GAS7: variants seen among roughly 807,000 people sequenced by gnomAD.
The protein encoded by GAS7 is growth arrest specific 7, also known as growth arrest-specific protein 7.
GAS7 carries 28 observed loss-of-function variants against 71.1 expected under a neutral mutation model. That is an observed-to-expected ratio of 0.39 (90% CI 0.29 to 0.54). The LOEUF (loss-of-function observed/expected upper bound fraction) is 0.54. Ranked by LOEUF, GAS7 falls within the 20% of genes least tolerant of loss-of-function variation. The pLI, the probability that GAS7 is intolerant of heterozygous loss-of-function variation, is 0.62. For missense variants in GAS7, 436 were observed against 627.8 expected (o/e 0.69, Z 3.27); for synonymous variants, 258 against 245.8 (o/e 1.05, Z -0.46).
chr17:10,142,097 AG>A (rs1176889606), intron 1 of GAS7, among the ~76,000 whole-genome samples: 2 of 152,000 alleles, frequency 1.3e-5, no homozygotes, highest in Non-Finnish European at 2.9e-5. Flanking sequence ...GCGTGGTGGC[AG>A]GTGCCTGTAG....
In GAS7 at chr17:10,081,217, C is replaced by T. The variant is rs972742867; in HGVS notation, c.184-61320G>A. 3.9e-5 allele frequency among the ~76,000 whole-genome samples: 6 copies of T among 152,258 alleles called. No homozygotes were observed. The East Asian group carries it at 5.8e-4, about 15-fold the overall frequency. On this transcript the variant is annotated intron_variant, in intron 1 of 13. Transcript: ENST00000432992. ...TTGCCTAGGCTGGAGTGCGATGGCG[C>T]GATCTCAGCTCACTGAAACCTTCCC...
At position 10,054,641 on chromosome 17, in the gene GAS7, A is replaced by AG. The variant is rs1443593679; in HGVS notation, c.184-34745dup. Among the ~76,000 whole-genome samples the AG allele has an allele frequency of 7.2e-5, 11 of 152,314 alleles. No individual in the cohort carries two copies. The East Asian group carries it at 2.1e-3, about 29-fold the overall frequency. ...GGCCTTTATAAGCAGTCGTTTGAAGAGGGGGTTCCCTGGTTCTAACGAATT... is the reference window on the plus strand; with the variant it reads ...GGCCTTTATAAGCAGTCGTTTGAAGAGGGGGGTTCCCTGGTTCTAACGAATT... On this transcript the variant is annotated intron_variant, in intron 1 of 13. Coordinates refer to ENST00000432992, the MANE Select transcript of GAS7 (RefSeq NM_201433.2).
intron 7 of GAS7, 121 bp downstream of exon 7, chr17:9,943,000 C>T (rs150688892): frequency 1.1e-5 from 7 of 625,392 alleles, no homozygotes; most frequent in East Asian, 1.0e-4. Flanking sequence ...TGCCGCCTGG[C>T]GCTAACCAGC....
At chr17:10,041,353 C>T (rs1288386772) in intron 1 of GAS7, among the ~76,000 whole-genome samples, 7 of 152,078 alleles carry the variant, frequency 4.6e-5, no homozygotes, top group South Asian at 4.1e-4. Context: ...CAGCCGTCTC[C>T]GACACCACTT....
intron 9 of GAS7, among the ~76,000 whole-genome samples, chr17:9,931,325 C>G (rs11658821): frequency 0.1 from 15,737 of 152,250 alleles, 1,065 homozygotes; most frequent in Non-Finnish European, 0.15. Context: ...TCACCACTAC[C>G]ACGTCGGAGA....
At chr17:9,962,810 GCAGT>G (rs1220082379) in intron 4 of GAS7, among the ~76,000 whole-genome samples, 1 of 152,142 alleles carries the variant, frequency 6.6e-6, no homozygotes, top group African/African-American at 2.4e-5. Flanking sequence ...GAGAAATCTG[GCAGT>G]CAGCACCTTA....
intron 1 of GAS7, among the ~76,000 whole-genome samples, chr17:10,038,526 C>A (rs185795603): frequency 6.6e-6 from 1 of 152,080 alleles, no homozygotes; most frequent in Non-Finnish European, 1.5e-5. Context: ...TATGGTCCAG[C>A]AATTCCATTA....
intron 1 of GAS7, among the ~76,000 whole-genome samples, chr17:10,138,527 A>C (rs1318408529): frequency 1.3e-5 from 2 of 152,078 alleles, no homozygotes; most frequent in African/African-American, 4.8e-5. Flanking sequence ...CACTTTGGGA[A>C]GCCGAGGTGG....
chr17:10,048,562 C>G (rs896584382), intron 1 of GAS7, among the ~76,000 whole-genome samples: 1 of 152,200 alleles, frequency 6.6e-6, no homozygotes, highest in Non-Finnish European at 1.5e-5. Flanking sequence ...GAGTTTAAAG[C>G]TTCACGGGGT....
intron 12 of GAS7, 23 bp from the exon 13 acceptor site, chr17:9,918,122 A>G (rs2152065091): frequency 6.4e-7 from 1 of 1,573,780 alleles, no homozygotes; most frequent in Non-Finnish European, 8.7e-7. Context: ...CAAAGGCCAG[A>G]GAACTCTGAG....
intron 1 of GAS7, among the ~76,000 whole-genome samples, chr17:10,080,551 C>T (rs77442671): frequency 0.034 from 5,184 of 152,264 alleles, 112 homozygotes; most frequent in Non-Finnish European, 0.046. Context: ...GATCCAAGAA[C>T]GCTGTCTTGG....
rs566683185 is a variant in GAS7 at position 9,966,401 on chromosome 17, C to G, written c.471+3276G>C. ...ACCGGGTTTTGAGATCTGGGGCTTTCCAGTCTAGGTTTCGTCACTGTAACC... is the reference window on the plus strand; with the variant it reads ...ACCGGGTTTTGAGATCTGGGGCTTTGCAGTCTAGGTTTCGTCACTGTAACC... On this transcript the variant is annotated intron_variant, in intron 4 of 13. Coordinates refer to ENST00000432992, the MANE Select transcript of GAS7 (RefSeq NM_201433.2). Among the ~76,000 whole-genome samples, 8 of 152,266 alleles carry G rather than the reference C, an allele frequency of 5.3e-5. No homozygotes were observed. The South Asian group carries it at 1.7e-3, about 32-fold the overall frequency.
chr17:10,071,706 C>T (rs1314745448), intron 1 of GAS7, among the ~76,000 whole-genome samples: 1 of 152,096 alleles, frequency 6.6e-6, no homozygotes, highest in Non-Finnish European at 1.5e-5. Context: ...AGGCAGATCA[C>T]CTGAGGTCAG....
intron 2 of GAS7, among the ~76,000 whole-genome samples, chr17:10,015,272 C>T (rs2071948361): frequency 6.6e-6 from 1 of 152,156 alleles, no homozygotes; most frequent in Non-Finnish European, 1.5e-5. Context: ...CTATTATCCC[C>T]AGGCACCCTC....
intron 1 of GAS7, among the ~76,000 whole-genome samples, chr17:10,028,094 G>A (rs1160223007): frequency 2.0e-5 from 3 of 152,144 alleles, no homozygotes; most frequent in African/African-American, 2.4e-5. Flanking sequence ...TAGTAGAGAC[G>A]GGGTTTCACC....
intron 3 of GAS7, among the ~76,000 whole-genome samples, chr17:9,973,615 A>G (rs12952654): frequency 0.44 from 66,736 of 152,040 alleles, 15,012 homozygotes; most frequent in South Asian, 0.5. Context: ...TTCAACACCA[A>G]ACCTTCCATG....
At chr17:10,109,057 T>C (rs768874627) in intron 1 of GAS7, among the ~76,000 whole-genome samples, 15 of 152,014 alleles carry the variant, frequency 9.9e-5, no homozygotes, top group Non-Finnish European at 1.8e-4. Context: ...GAGAGAATAT[T>C]TGAAAACTAT....
At chr17:10,191,807 G>A (rs901590727) in intron 1 of GAS7, among the ~76,000 whole-genome samples, 10 of 149,126 alleles carry the variant, frequency 6.7e-5, no homozygotes, top group East Asian at 2.0e-4. Context: ...CCCAGGAGGC[G>A]GAGGTTGTAG....
intron 1 of GAS7, among the ~76,000 whole-genome samples, chr17:10,110,871 AAC>A (rs901413630): frequency 1.3e-5 from 2 of 152,238 alleles, no homozygotes; most frequent in African/African-American, 4.8e-5. Context: ...GTTTGTTCCC[AAC>A]ACACAGCAAT....
Sources: allele counts gnomAD v4.1 joint callset (sites outside exome capture counted in the v4.1 genomes callset), GRCh38; gene constraint gnomAD v4.1.1; transcripts MANE v1.5; gene names NCBI Gene and HGNC (gene_info 2026-07-23, HGNC 2026-07-21).